XRCC4: variants seen among roughly 807,000 people sequenced by gnomAD.
XRCC4 encodes the protein DNA repair protein XRCC4.
XRCC4 carries 28 observed loss-of-function variants against 39.1 expected under a neutral mutation model. The ratio of observed to expected loss-of-function variants is 0.72; its 90% confidence interval spans 0.53 to 0.98. The LOEUF (loss-of-function observed/expected upper bound fraction) is 0.98, where lower values mean the gene tolerates loss of function less well. XRCC4 is among the 50% of genes least tolerant of loss of function. The pLI is 0.00. For synonymous variants in XRCC4, 123 were observed against 126.4 expected, an observed-to-expected ratio of 0.97 and a Z score of 0.18; for missense variants, 350 against 376.4, an observed-to-expected ratio of 0.93 and a Z score of 0.58.
At chr5:83,110,084 A>T (rs1222420517) in intron 2 of XRCC4, among the ~76,000 whole-genome samples, 1 of 151,978 alleles carries the variant, frequency 6.6e-6, no homozygotes, top group East Asian at 1.9e-4. Flanking sequence ...TCCCAAACTG[A>T]TAAAACTTGT....
intron 3 of XRCC4, among the ~76,000 whole-genome samples, chr5:83,179,393 T>C (rs1362471617): frequency 6.6e-6 from 1 of 152,176 alleles, no homozygotes; most frequent in Non-Finnish European, 1.5e-5. Context: ...AAATACTTGG[T>C]TTATCTTTGA....
intron 7 of XRCC4, among the ~76,000 whole-genome samples, chr5:83,296,772 AAAGT>A (rs1198066337): frequency 2.0e-5 from 3 of 151,924 alleles, no homozygotes; most frequent in African/African-American, 7.2e-5. Flanking sequence ...AAATATGGGA[AAAGT>A]AAGTAATATT....
At chr5:83,208,328 C>G (rs893918828) in intron 6 of XRCC4, among the ~76,000 whole-genome samples, 1 of 151,630 alleles carries the variant, frequency 6.6e-6, no homozygotes, top group Admixed American at 6.6e-5. Flanking sequence ...CCTTACTGTC[C>G]CATTTAAATG....
intron 7 of XRCC4, among the ~76,000 whole-genome samples, chr5:83,336,766 T>C (rs1192456215): frequency 6.6e-6 from 1 of 152,188 alleles, no homozygotes; most frequent in East Asian, 1.9e-4. Context: ...GTGAGACTTT[T>C]AGCCATTAGG....
chr5:83,321,832 T>C (rs907062736), intron 7 of XRCC4, among the ~76,000 whole-genome samples: 13 of 151,962 alleles, frequency 8.6e-5, no homozygotes, highest in African/African-American at 3.1e-4. Flanking sequence ...TAATGTGTTA[T>C]GGTAATGTTC....
intron 7 of XRCC4, among the ~76,000 whole-genome samples, chr5:83,296,867 CAG>C (rs1755113474): frequency 6.6e-6 from 1 of 151,658 alleles, no homozygotes; most frequent in Admixed American, 6.6e-5. Context: ...TGAGTCTAAA[CAG>C]AATAGACAAA....
intron 7 of XRCC4, among the ~76,000 whole-genome samples, chr5:83,298,061 A>G (rs1352761446): frequency 6.6e-6 from 1 of 151,940 alleles, no homozygotes; most frequent in Non-Finnish European, 1.5e-5. Flanking sequence ...GCATATTATC[A>G]TTATCATTAC....
chr5:83,355,578 A>G (rs1757181067), downstream of XRCC4, among the ~76,000 whole-genome samples: 1 of 152,218 alleles, frequency 6.6e-6, no homozygotes. Context: ...TTATTCAGAA[A>G]GCTCAAGTAC....
intron 7 of XRCC4, among the ~76,000 whole-genome samples, chr5:83,335,671 T>C (rs903272674): frequency 1.9e-4 from 29 of 152,068 alleles, no homozygotes; most frequent in African/African-American, 6.8e-4. Flanking sequence ...GCCTGACATT[T>C]AGAAAATATT....
chr5:83,104,467 T>A (rs1021572526), intron 1 of XRCC4, among the ~76,000 whole-genome samples: 1 of 152,084 alleles, frequency 6.6e-6, no homozygotes, highest in African/African-American at 2.4e-5. Context: ...ACTCAGCATA[T>A]TGTTGAGATG....
At chr5:83,182,077 T>C (rs575534942) in intron 3 of XRCC4, among the ~76,000 whole-genome samples, 4 of 152,272 alleles carry the variant, frequency 2.6e-5, no homozygotes, top group African/African-American at 7.2e-5. Context: ...GGTTTTCTCA[T>C]CCTTCTTTGT....
chr5:83,104,156 T>TA (rs1746084413), intron 1 of XRCC4, among the ~76,000 whole-genome samples: 1 of 152,162 alleles, frequency 6.6e-6, no homozygotes, highest in Non-Finnish European at 1.5e-5. Flanking sequence ...TCTCAGTGGA[T>TA]AGGGTGTTTC....
intron 7 of XRCC4, among the ~76,000 whole-genome samples, chr5:83,310,511 C>T (rs535796901): frequency 2.6e-5 from 4 of 152,182 alleles, no homozygotes; most frequent in African/African-American, 9.6e-5. Context: ...TACCTTTCTG[C>T]GGCAAACAGA....
chr5:83,140,758 C>A (rs1392279155), intron 3 of XRCC4, among the ~76,000 whole-genome samples: 1 of 152,102 alleles, frequency 6.6e-6, no homozygotes, highest in Non-Finnish European at 1.5e-5. Context: ...CCACCCCTTT[C>A]TGTTTCTCAA....
chr5:83,196,891 A>G (rs899672329), intron 4 of XRCC4, among the ~76,000 whole-genome samples: 19 of 151,982 alleles, frequency 1.3e-4, no homozygotes, highest in African/African-American at 3.9e-4. Flanking sequence ...ATGTGAAAGT[A>G]TATGAAAAAT....
At chr5:83,212,754 C>A (rs569302161) in intron 6 of XRCC4, among the ~76,000 whole-genome samples, 2 of 151,224 alleles carry the variant, frequency 1.3e-5, no homozygotes, top group Admixed American at 1.3e-4. Context: ...ATGGTGAAAC[C>A]CCGTCTCTAT....
At chr5:83,326,293 T>C (rs1756257926) in intron 7 of XRCC4, among the ~76,000 whole-genome samples, 1 of 152,166 alleles carries the variant, frequency 6.6e-6, no homozygotes, top group African/African-American at 2.4e-5. Flanking sequence ...TTTGTTGCAA[T>C]TGCTTTTGGA....
chr5:83,221,272 A>G (rs967961352), intron 6 of XRCC4, among the ~76,000 whole-genome samples: 3 of 152,164 alleles, frequency 2.0e-5, no homozygotes, highest in African/African-American at 7.2e-5. Context: ...TTTAAGCACT[A>G]TTTCATTTAA....
intron 1 of XRCC4, among the ~76,000 whole-genome samples, chr5:83,102,899 C>G (rs868692950): frequency 4.0e-5 from 6 of 151,348 alleles, no homozygotes; most frequent in African/African-American, 1.5e-4. Context: ...AGTCCTTGCA[C>G]CACCACTTAG....
Sources: allele counts gnomAD v4.1 joint callset (sites outside exome capture counted in the v4.1 genomes callset), GRCh38; gene constraint gnomAD v4.1.1; transcripts MANE v1.5; gene names NCBI Gene and HGNC (gene_info 2026-07-23, HGNC 2026-07-21).